Variants in SPMIP6 observed in about 807,000 individuals in gnomAD.
The protein encoded by SPMIP6 is ciliated bronchial epithelial protein 1.
chr9:34,382,897 T>C, the SPMIP6 span: 3 of 1,367,420 alleles, frequency 2.2e-6, no homozygotes, highest in Non-Finnish European at 3.1e-6. Flanking sequence ...AGATGTCAAA[T>C]AGTGTTACTT....
At chr9:34,393,799 AT>A in the SPMIP6 span, among the ~76,000 whole-genome samples, 1 of 150,322 alleles carries the variant, frequency 6.7e-6, no homozygotes, top group Non-Finnish European at 1.5e-5. Context: ...TTCTGGGAAA[AT>A]TTTTTCAGTC....
chr9:34,390,810 G>T, the SPMIP6 span, among the ~76,000 whole-genome samples: 32 of 151,834 alleles, frequency 2.1e-4, no homozygotes, highest in African/African-American at 7.0e-4. Context: ...TTGTAGAGAC[G>T]GGGGTCTCAC....
the SPMIP6 span, chr9:34,379,254 G>A: frequency 1.1e-6 from 1 of 903,750 alleles, no homozygotes; most frequent in East Asian, 2.4e-5. The surrounding 1 kb of genome is among the most constrained non-coding windows in gnomAD (Gnocchi z 4.2). Context: ...AGTTTGCAAT[G>A]CTAACCTTAT....
chr9:34,395,375 A>T, the SPMIP6 span, among the ~76,000 whole-genome samples: 1 of 152,222 alleles, frequency 6.6e-6, no homozygotes, highest in Admixed American at 6.5e-5. Context: ...TTTCTCTGTC[A>T]CTAACACTTG....
chr9:34,391,637 G>A, the SPMIP6 span, among the ~76,000 whole-genome samples: 1 of 152,152 alleles, frequency 6.6e-6, no homozygotes, highest in East Asian at 1.9e-4. Flanking sequence ...ATTTAGAATG[G>A]TGGTTTTCAA....
At chr9:34,383,837 G>A in the SPMIP6 span, among the ~76,000 whole-genome samples, 1 of 152,118 alleles carries the variant, frequency 6.6e-6, no homozygotes, top group Non-Finnish European at 1.5e-5. Context: ...ATGATGCTTG[G>A]CACATAAAAA....
chr9:34,385,872 G>T, the SPMIP6 span: 3 of 1,382,030 alleles, frequency 2.2e-6, no homozygotes, highest in Non-Finnish European at 3.0e-6. Context: ...CTCTTGAGAA[G>T]GTCAGCCCAG....
At chr9:34,392,680 T>C in the SPMIP6 span, among the ~76,000 whole-genome samples, 1 of 152,284 alleles carries the variant, frequency 6.6e-6, no homozygotes, top group East Asian at 1.9e-4. The surrounding 1 kb of genome is among the most constrained non-coding windows in gnomAD (Gnocchi z 4.6). Context: ...TTTTTAAGCC[T>C]GAAGTCAGTG....
chr9:34,381,057 C>T, the SPMIP6 span: 4 of 1,611,738 alleles, frequency 2.5e-6, no homozygotes, highest in Admixed American at 1.7e-5. The surrounding 1 kb of genome is among the most constrained non-coding windows in gnomAD (Gnocchi z 4.4). Flanking sequence ...TCCACGCACC[C>T]GCATCGGGGC....
chr9:34,385,225 A>G, the SPMIP6 span, among the ~76,000 whole-genome samples: 23 of 152,042 alleles, frequency 1.5e-4, no homozygotes, highest in African/African-American at 5.6e-4. Flanking sequence ...GGGTGGAGAT[A>G]AAGTTGACAT....
chr9:34,381,619 T>A, the SPMIP6 span: 14 of 1,434,558 alleles, frequency 9.8e-6, no homozygotes, highest in South Asian at 1.7e-4. The surrounding 1 kb of genome is among the most constrained non-coding windows in gnomAD (Gnocchi z 4.4). Context: ...CGCTTTTACA[T>A]CGCCAACAGG....
At chr9:34,385,560 A>AAT in the SPMIP6 span, 3 of 995,710 alleles carry the variant, frequency 3.0e-6, no homozygotes, top group African/African-American at 1.7e-5. Flanking sequence ...AAAAAAAAAA[A>AAT]GGATAGAGGT....
chr9:34,397,488 C>T, the SPMIP6 span: 1 of 1,614,090 alleles, frequency 6.2e-7, no homozygotes, highest in Non-Finnish European at 8.5e-7. Context: ...CCCCACCAAT[C>T]TCCCACTTAC....
chr9:34,393,717 T>A, the SPMIP6 span, among the ~76,000 whole-genome samples: 1 of 152,166 alleles, frequency 6.6e-6, no homozygotes, highest in Non-Finnish European at 1.5e-5. Flanking sequence ...GTTTGTGGGA[T>A]CTTCTCATTC....
chr9:34,388,307 A>T, the SPMIP6 span, among the ~76,000 whole-genome samples: 3 of 133,788 alleles, frequency 2.2e-5, no homozygotes, highest in Non-Finnish European at 3.1e-5. Context: ...CTCCCAGCTA[A>T]TTTTTTTTTT....
At chr9:34,385,723 T>C in the SPMIP6 span, 1 of 1,613,632 alleles carries the variant, frequency 6.2e-7, no homozygotes, top group Admixed American at 1.7e-5. Flanking sequence ...TACAGCACAT[T>C]TGGCCATCTT....
At chr9:34,397,707 C>T in the SPMIP6 span, 8 of 1,481,326 alleles carry the variant, frequency 5.4e-6, no homozygotes, top group Admixed American at 4.3e-5. Context: ...ACCACCCTTC[C>T]CCTAGACAGG....
chr9:34,379,820 C>G, the SPMIP6 span: 2 of 1,018,754 alleles, frequency 2.0e-6, no homozygotes, highest in Non-Finnish European at 3.0e-6. This position sits in a 1 kb window ranked among gnomAD's most constrained non-coding sequence, Gnocchi z 4.2. Context: ...GGCGGCGCTT[C>G]AGGTGTCCGT....
chr9:34,379,204 C>T, the SPMIP6 span: 32 of 1,410,434 alleles, frequency 2.3e-5, no homozygotes, highest in Non-Finnish European at 3.0e-5. This position sits in a 1 kb window ranked among gnomAD's most constrained non-coding sequence, Gnocchi z 4.2. Flanking sequence ...ATGGGTCAGC[C>T]GTTTTGGATC....
Sources: allele counts gnomAD v4.1 joint callset (sites outside exome capture counted in the v4.1 genomes callset), GRCh38; gene constraint gnomAD v4.1.1; non-coding constraint Gnocchi (gnomAD v3.1); transcripts MANE v1.5; gene names NCBI Gene and HGNC (gene_info 2026-07-23, HGNC 2026-07-21).